Variants in CCDC73 observed in about 807,000 individuals in gnomAD.
The protein encoded by CCDC73 is coiled-coil domain containing 73, also known as coiled-coil domain-containing protein 73.
Under a neutral mutation model 116.5 loss-of-function variants are expected in CCDC73, and 95 were observed. The ratio of observed to expected loss-of-function variants is 0.82; its 90% confidence interval spans 0.69 to 0.97. CCDC73 has a LOEUF of 0.97. CCDC73 is among the 50% of genes least tolerant of loss of function. The probability of loss-of-function intolerance (pLI) is 0.00; values close to 1 mark genes in which losing one functional copy is unlikely to be tolerated. For synonymous variants in CCDC73, 398 were observed against 401.3 expected, an observed-to-expected ratio of 0.99 and a Z score of 0.10; for missense variants, 1,066 against 1,206.8, an observed-to-expected ratio of 0.88 and a Z score of 1.73.
chr11:32,609,181 T>C (rs1855390652), intron 17 of CCDC73, among the ~76,000 whole-genome samples: 1 of 152,210 alleles, frequency 6.6e-6, no homozygotes, highest in African/African-American at 2.4e-5. Flanking sequence ...TTTTCTTTTC[T>C]ATCATATTGT....
chr11:32,747,736 T>C (rs1211621384), intron 2 of CCDC73, among the ~76,000 whole-genome samples: 2 of 152,196 alleles, frequency 1.3e-5, no homozygotes, highest in African/African-American at 4.8e-5. Context: ...CAAGGCTCCA[T>C]GGGCGTTGGA....
chr11:32,637,032 T>C (rs1197881968), intron 13 of CCDC73, among the ~76,000 whole-genome samples: 1 of 145,502 alleles, frequency 6.9e-6, no homozygotes, highest in African/African-American at 2.5e-5. Flanking sequence ...TTTTTTTTTT[T>C]TTTTTGAGAA....
At chr11:32,699,879 A>AT (rs1849796586) in intron 5 of CCDC73, among the ~76,000 whole-genome samples, 1 of 57,404 alleles carries the variant, frequency 1.7e-5, no homozygotes, top group African/African-American at 6.2e-5. Context: ...TAGATTAAAA[A>AT]ATATATATAT....
chr11:32,639,221 T>C (rs1486521432), intron 13 of CCDC73, among the ~76,000 whole-genome samples: 1 of 149,862 alleles, frequency 6.7e-6, no homozygotes, highest in Non-Finnish European at 1.5e-5. Flanking sequence ...TCTCTAAAAC[T>C]TTCTCCAGCC....
At chr11:32,660,595 CAGG>C (rs1450063377) in intron 9 of CCDC73, among the ~76,000 whole-genome samples, 1 of 151,966 alleles carries the variant, frequency 6.6e-6, no homozygotes, top group Non-Finnish European at 1.5e-5. Flanking sequence ...GAGGCTGAGG[CAGG>C]AGGACTACTT....
chr11:32,830,236 G>T, the CCDC73 span: 3 of 1,059,774 alleles, frequency 2.8e-6, no homozygotes, highest in Non-Finnish European at 3.5e-6. Flanking sequence ...CCACCTCGGC[G>T]GACTGGGTTG....
chr11:32,813,259 T>A, the CCDC73 span, among the ~76,000 whole-genome samples: 1 of 152,340 alleles, frequency 6.6e-6, no homozygotes, highest in East Asian at 1.9e-4. Flanking sequence ...CTTCTCTTGA[T>A]GTCATATATT....
chr11:32,748,920 A>G (rs1448386919), intron 2 of CCDC73, among the ~76,000 whole-genome samples: 1 of 152,112 alleles, frequency 6.6e-6, no homozygotes, highest in Non-Finnish European at 1.5e-5. Flanking sequence ...GATGTATTGG[A>G]GCTCCATGTA....
At chr11:32,735,723 C>T (rs1407820056) in intron 2 of CCDC73, among the ~76,000 whole-genome samples, 3 of 152,182 alleles carry the variant, frequency 2.0e-5, no homozygotes, top group African/African-American at 7.2e-5. Flanking sequence ...GCCAAAAGAA[C>T]AAAGCTGGAG....
chr11:32,762,549 A>C (rs1314729751), intron 1 of CCDC73, among the ~76,000 whole-genome samples: 1 of 152,180 alleles, frequency 6.6e-6, no homozygotes, highest in Non-Finnish European at 1.5e-5. Context: ...AAAGTAACCC[A>C]CCTTCTACAG....
chr11:32,709,010 C>T (rs9787914), intron 3 of CCDC73, among the ~76,000 whole-genome samples: 88,516 of 151,882 alleles, frequency 0.58, 26,111 homozygotes, highest in East Asian at 0.84. Context: ...ATGTTTTCAA[C>T]TTCTCCCCGT....
chr11:32,820,213 C>T, the CCDC73 span, among the ~76,000 whole-genome samples: 3 of 151,978 alleles, frequency 2.0e-5, no homozygotes, highest in Non-Finnish European at 4.4e-5. Flanking sequence ...AGTGTAGTGG[C>T]GTGTGCAATC....
intron 1 of CCDC73, among the ~76,000 whole-genome samples, chr11:32,777,001 A>G (rs1016726916): frequency 2.0e-5 from 2 of 98,474 alleles, no homozygotes; most frequent in African/African-American, 6.5e-5. Flanking sequence ...ATATATATAT[A>G]TATATATATA....
At chr11:32,825,601 T>A in the CCDC73 span, among the ~76,000 whole-genome samples, 2 of 152,316 alleles carry the variant, frequency 1.3e-5, no homozygotes, top group East Asian at 3.9e-4. Flanking sequence ...TGGCCTCTGA[T>A]GCAGAATTAA....
At chr11:32,649,731 A>G (rs1423638558) in intron 12 of CCDC73, among the ~76,000 whole-genome samples, 1 of 152,220 alleles carries the variant, frequency 6.6e-6, no homozygotes, top group Non-Finnish European at 1.5e-5. Context: ...ATATAAGGTC[A>G]TCAAATGTCT....
chr11:32,699,652 G>A (rs1334738594), intron 5 of CCDC73, among the ~76,000 whole-genome samples: 1 of 151,980 alleles, frequency 6.6e-6, no homozygotes, highest in Non-Finnish European at 1.5e-5. Context: ...AACACCACAT[G>A]TTCTTACTCA....
intron 1 of CCDC73, among the ~76,000 whole-genome samples, chr11:32,773,381 T>C (rs1180066064): frequency 1.3e-5 from 2 of 152,140 alleles, no homozygotes; most frequent in Non-Finnish European, 2.9e-5. Context: ...CAACTGTGAA[T>C]ATACCAAAAA....
intron 9 of CCDC73, among the ~76,000 whole-genome samples, chr11:32,670,167 A>AT (rs1565072019): frequency 6.6e-6 from 1 of 152,128 alleles, no homozygotes; most frequent in Admixed American, 6.6e-5. Context: ...ATTTTCCTAT[A>AT]TTTTTTCCTA....
intron 3 of CCDC73, among the ~76,000 whole-genome samples, chr11:32,707,172 G>A (rs1207463954): frequency 6.6e-6 from 1 of 151,928 alleles, no homozygotes; most frequent in Non-Finnish European, 1.5e-5. Flanking sequence ...GAAAAGATGA[G>A]TCATACCTTA....
Sources: allele counts gnomAD v4.1 joint callset (sites outside exome capture counted in the v4.1 genomes callset), GRCh38; gene constraint gnomAD v4.1.1; transcripts MANE v1.5; gene names NCBI Gene and HGNC (gene_info 2026-07-23, HGNC 2026-07-21).